Variants in TTC7B observed in about 807,000 individuals in gnomAD.
TTC7B encodes the protein tetratricopeptide repeat domain 7B.
A neutral mutation model predicts 106.8 loss-of-function variants in TTC7B; 28 were observed. The ratio of observed to expected loss-of-function variants is 0.26; its 90% CI spans 0.19 to 0.36. The LOEUF (loss-of-function observed/expected upper bound fraction) is 0.36. Ranked by LOEUF, TTC7B falls within the 10% of genes least tolerant of loss-of-function variation. The pLI, the probability that TTC7B is intolerant of heterozygous loss-of-function variation, is 1.00. For missense variants in TTC7B, 862 were observed against 1,076.4 expected (o/e 0.80, Z 2.79); for synonymous variants, 405 against 430.6 (o/e 0.94, Z 0.74).
rs567799340 is a variant in TTC7B, at chr14:90,610,688, G to C, written c.1966+54C>G. 7.9e-5 allele frequency: 104 copies of C among 1,316,542 alleles called. No homozygotes were observed. The African/African-American group carries it at 1.4e-3, about 18-fold the overall frequency. 81.6% of individuals were successfully genotyped at this position (1,316,542 alleles called of 1,614,324 possible). Reference sequence around the variant, plus strand: ...TCTCATCCCATGTCACTTGGTCCCAGGCCCCCACATTCTCCATTACACCAT... The same window carrying C: ...TCTCATCCCATGTCACTTGGTCCCACGCCCCCACATTCTCCATTACACCAT... On this transcript the variant is annotated intron_variant, in intron 17 of 19. Coordinates refer to ENST00000328459, the MANE Select transcript of TTC7B (RefSeq NM_001010854.2).
intron 5 of TTC7B, among the ~76,000 whole-genome samples, chr14:90,701,709 T>TATACACACACACAC (rs1555391267): frequency 6.8e-4 from 102 of 150,164 alleles, no homozygotes; most frequent in African/African-American, 2.4e-3. Flanking sequence ...TATATATATA[T>TATACACACACACAC]ACACACACAC....
Position 90,816,347 on chromosome 14 carries a change from C to T in TTC7B, c.-52G>A. 1 of 938,874 alleles carries T rather than the reference C, an allele frequency of 1.1e-6. No individual in the cohort carries two copies. The highest frequency in any genetic ancestry group is 1.3e-6 in the Non-Finnish European group (1 of 790,494). The allele number at this position is 938,874 out of a possible 1,614,324, so 58.2% of individuals were successfully genotyped here. On this transcript the variant is annotated 5_prime_UTR_variant, in exon 1 of 20. Transcript: ENST00000328459. ...GCCCCGCAGGCCCCACCGCCGCCGCCGCGGCGCCCCCTCGCCGCCTCCCGC... is the reference window on the plus strand; with the variant it reads ...GCCCCGCAGGCCCCACCGCCGCCGCTGCGGCGCCCCCTCGCCGCCTCCCGC...
At chr14:90,665,539 G>A (rs764135747) in intron 9 of TTC7B, among the ~76,000 whole-genome samples, 45 of 152,312 alleles carry the variant, frequency 3.0e-4, no homozygotes, top group Admixed American at 1.8e-3. Flanking sequence ...GCGCGGCAGC[G>A]ACAGCTGTAC....
intron 15 of TTC7B, among the ~76,000 whole-genome samples, chr14:90,634,172 T>C (rs1279012434): frequency 6.6e-6 from 1 of 152,168 alleles, no homozygotes; most frequent in Admixed American, 6.6e-5. Flanking sequence ...CCACCGCGCC[T>C]GGCCCATTGT....
chr14:90,799,676 C>T (rs998331875), intron 1 of TTC7B, among the ~76,000 whole-genome samples: 2 of 152,080 alleles, frequency 1.3e-5, no homozygotes, highest in Admixed American at 1.3e-4. Flanking sequence ...CAGGAAAGCC[C>T]GTGTGGCTGG....
chr14:90,736,875 G>A (rs1409342102), intron 4 of TTC7B, among the ~76,000 whole-genome samples: 1 of 120,022 alleles, frequency 8.3e-6, no homozygotes, highest in Non-Finnish European at 1.6e-5. Flanking sequence ...CTGAGCAACA[G>A]AGCAAGACCA....
At chr14:90,787,326 C>G (rs1286344) in intron 1 of TTC7B, among the ~76,000 whole-genome samples, 41,656 of 152,182 alleles carry the variant, frequency 0.27, 9,453 homozygotes, top group African/African-American at 0.63. Context: ...CCCCCAGACT[C>G]TTCTGAATAA....
At chr14:90,784,285 C>A (rs528992381) in intron 2 of TTC7B, among the ~76,000 whole-genome samples, 2 of 152,182 alleles carry the variant, frequency 1.3e-5, no homozygotes, top group Admixed American at 1.3e-4. Flanking sequence ...AGGCCGGGAG[C>A]GGTGGCTCAC....
intron 15 of TTC7B, among the ~76,000 whole-genome samples, chr14:90,622,311 G>T (rs1470125056): frequency 6.6e-6 from 1 of 151,854 alleles, no homozygotes; most frequent in East Asian, 2.0e-4. Flanking sequence ...TAAAGACAGG[G>T]TTTCACCATG....
intron 1 of TTC7B, among the ~76,000 whole-genome samples, chr14:90,812,548 T>C (rs1241395064): frequency 2.0e-5 from 3 of 152,054 alleles, no homozygotes; most frequent in Non-Finnish European, 4.4e-5. Flanking sequence ...TTCTCACAGG[T>C]TCCCGGTGGT....
chr14:90,804,712 C>G (rs997829328), intron 1 of TTC7B, among the ~76,000 whole-genome samples: 1 of 152,212 alleles, frequency 6.6e-6, no homozygotes, highest in African/African-American at 2.4e-5. Flanking sequence ...TACTGCGGGT[C>G]CCAGGGCTTG....
chr14:90,715,601 G>A (rs1052831872), intron 5 of TTC7B, among the ~76,000 whole-genome samples: 1 of 152,164 alleles, frequency 6.6e-6, no homozygotes, highest in African/African-American at 2.4e-5. Flanking sequence ...AGTTACAGAT[G>A]AAGAAACTGA....
intron 3 of TTC7B, among the ~76,000 whole-genome samples, chr14:90,778,879 A>C (rs376829765): frequency 6.6e-6 from 1 of 152,196 alleles, no homozygotes; most frequent in South Asian, 2.1e-4. Context: ...GAACTGGGTG[A>C]ATATATCACC....
At chr14:90,704,001 C>T (rs756229490) in intron 5 of TTC7B, among the ~76,000 whole-genome samples, 1 of 152,184 alleles carries the variant, frequency 6.6e-6, no homozygotes, top group Non-Finnish European at 1.5e-5. Flanking sequence ...CATCTGGGAA[C>T]ATGGCAAGGG....
chr14:90,731,555 T>C (rs1284251316), intron 4 of TTC7B, among the ~76,000 whole-genome samples: 1 of 152,220 alleles, frequency 6.6e-6, no homozygotes, highest in Non-Finnish European at 1.5e-5. Context: ...CCCTTGCATG[T>C]GAACCGGATC....
Position 90,802,560 on chromosome 14 carries a change from A to G in TTC7B, c.121+13615T>C, listed in dbSNP as rs1260668802. Reference sequence around the variant, plus strand: ...ATTGCTTTTATTTCCTCAGTAAAGTATGAGGCAAGGTCATGAGCTAGGCAT... The same window carrying G: ...ATTGCTTTTATTTCCTCAGTAAAGTGTGAGGCAAGGTCATGAGCTAGGCAT... On this transcript the variant is annotated intron_variant, in intron 1 of 19. Coordinates refer to ENST00000328459, the MANE Select transcript of TTC7B (RefSeq NM_001010854.2). The surrounding 1 kb of genome is among the most constrained non-coding windows in gnomAD (Gnocchi z 4.7). Among the ~76,000 whole-genome samples the G allele has an allele frequency of 6.6e-6, 1 of 152,174 alleles. No individual in the cohort carries two copies. Among genetic ancestry groups the G allele is most frequent in the Admixed American group, 6.5e-5 (1 of 15,276 alleles).
intron 9 of TTC7B, among the ~76,000 whole-genome samples, chr14:90,671,765 T>C (rs1886642325): frequency 6.6e-6 from 1 of 152,228 alleles, no homozygotes; most frequent in South Asian, 2.1e-4. Context: ...GTCTCCTTTG[T>C]ACAATGCTCT....
intron 17 of TTC7B, among the ~76,000 whole-genome samples, chr14:90,606,671 C>T (rs1246098289): frequency 6.6e-6 from 1 of 152,104 alleles, no homozygotes; most frequent in South Asian, 2.1e-4. Flanking sequence ...AAGGGACGCC[C>T]AAGGTGATAC....
intron 15 of TTC7B, among the ~76,000 whole-genome samples, chr14:90,640,864 A>G (rs947172036): frequency 2.6e-5 from 4 of 152,224 alleles, no homozygotes; most frequent in African/African-American, 9.7e-5. Flanking sequence ...TCAAGGTCAC[A>G]CAACTTAAAA....
Sources: gnomAD v4.1 joint callset for allele counts (sites outside exome capture counted in the v4.1 genomes callset) on GRCh38, gnomAD v4.1.1 for gene constraint, Gnocchi (gnomAD v3.1) non-coding constraint, MANE v1.5 for transcripts, NCBI Gene and HGNC (gene_info 2026-07-23, HGNC 2026-07-21) for gene names.